Variants in LAMA3 observed in about 807,000 individuals in gnomAD.
LAMA3 encodes laminin subunit alpha-3.
Under a neutral mutation model 402.0 loss-of-function variants are expected in LAMA3, and 281 were observed. The observed-to-expected ratio is 0.70, with a 90% confidence interval of 0.63 to 0.77. The LOEUF (loss-of-function observed/expected upper bound fraction) is 0.77. Ranked by LOEUF, LAMA3 falls within the 30% of genes least tolerant of loss-of-function variation. The probability of loss-of-function intolerance (pLI) is 0.00; values close to 1 mark genes in which losing one functional copy is unlikely to be tolerated. For synonymous variants in LAMA3, 1,431 were observed against 1,558.4 expected (o/e 0.92, Z 1.93); for missense variants, 3,840 against 4,215.5 (o/e 0.91, Z 2.47).
chr18:23,784,680 G>C (rs1025169805), intron 12 of LAMA3, among the ~76,000 whole-genome samples: 20 of 152,290 alleles, frequency 1.3e-4, no homozygotes, highest in South Asian at 2.1e-4. Context: ...GTCGCTGAAG[G>C]GGGGATGGAA....
At chr18:23,745,173 A>ATGTGTG (rs55780622) in intron 2 of LAMA3, among the ~76,000 whole-genome samples, 63 of 149,030 alleles carry the variant, frequency 4.2e-4, no homozygotes, top group Middle Eastern at 6.8e-3. Context: ...AGAATCAAAA[A>ATGTGTG]TGTGTGTGTG....
At chr18:23,931,444 G>A in intron 65 of LAMA3, 1 of 481,686 alleles carries the variant, frequency 2.1e-6, no homozygotes, top group South Asian at 2.5e-5. Flanking sequence ...GTTGCTTGAG[G>A]CCAAGAGTTC....
At chr18:23,713,073 A>T (rs1376992811) in intron 1 of LAMA3, among the ~76,000 whole-genome samples, 1 of 152,214 alleles carries the variant, frequency 6.6e-6, no homozygotes, top group South Asian at 2.1e-4. Flanking sequence ...CTGCCTAGTA[A>T]GAAAGAGTAA....
At chr18:23,788,463 A>C (rs914167051) in intron 12 of LAMA3, among the ~76,000 whole-genome samples, 54 of 152,136 alleles carry the variant, frequency 3.5e-4, no homozygotes, top group Non-Finnish European at 5.9e-5. Context: ...AAAATATCTA[A>C]TACAGAAGAA....
Position 23,824,420 on chromosome 18 carries a change from TA to T in LAMA3, c.2429-2del. ...CTTAAGCAGTTCTTTGTATTTCTGATAGGTGCTGCTCAAAGCAAAGAGATCA... is the reference window on the plus strand; with the variant it reads ...CTTAAGCAGTTCTTTGTATTTCTGATGGTGCTGCTCAAAGCAAAGAGATCA... On this transcript the variant is annotated splice_acceptor_variant, in intron 20 of 74. Coordinates refer to ENST00000313654, the MANE Select transcript of LAMA3 (RefSeq NM_198129.4). LOFTEE classifies it high-confidence loss of function. 1 of 1,614,076 alleles carries T rather than the reference TA, an allele frequency of 6.2e-7. No individual in the cohort carries two copies. The highest frequency in any genetic ancestry group is 8.5e-7 in the Non-Finnish European group (1 of 1,179,928).
At chr18:23,778,714 G>A (rs940683751) in intron 11 of LAMA3, among the ~76,000 whole-genome samples, 17 of 152,172 alleles carry the variant, frequency 1.1e-4, no homozygotes, top group Non-Finnish European at 2.2e-4. Flanking sequence ...ACCCCAGGGC[G>A]CCAGCAGAGG....
At chr18:23,759,110 G>A (rs943892115) in intron 7 of LAMA3, among the ~76,000 whole-genome samples, 1 of 151,800 alleles carries the variant, frequency 6.6e-6, no homozygotes. Context: ...AGGCAAAGGT[G>A]GGAGGATTGC....
At chr18:23,778,217 G>A (rs150222703) in intron 11 of LAMA3, among the ~76,000 whole-genome samples, 2 of 152,152 alleles carry the variant, frequency 1.3e-5, no homozygotes, top group African/African-American at 2.4e-5. Flanking sequence ...GAGGATGTGG[G>A]TGTTACATTT....
intron 52 of LAMA3, among the ~76,000 whole-genome samples, chr18:23,906,363 C>T (rs2081249154): frequency 6.6e-6 from 1 of 152,176 alleles, no homozygotes; most frequent in Admixed American, 6.5e-5. Flanking sequence ...TCCCCAAAAT[C>T]ACTGCTACTG....
chr18:23,891,452 C>T (rs927392597), intron 42 of LAMA3, among the ~76,000 whole-genome samples: 10 of 152,258 alleles, frequency 6.6e-5, no homozygotes, highest in Middle Eastern at 3.4e-3. Flanking sequence ...AAGTTTTTTC[C>T]GGCATCTGCT....
At chr18:23,842,054 G>A (rs908498435) in intron 27 of LAMA3, among the ~76,000 whole-genome samples, 11 of 152,166 alleles carry the variant, frequency 7.2e-5, no homozygotes, top group Non-Finnish European at 1.6e-4. Context: ...CCAATTCTGG[G>A]TTATGTGTTC....
intron 32 of LAMA3, among the ~76,000 whole-genome samples, chr18:23,854,232 A>G: frequency 6.6e-6 from 1 of 152,180 alleles, no homozygotes; most frequent in Non-Finnish European, 1.5e-5. Context: ...TACATTCTAA[A>G]ATAAACACAC....
At chr18:23,796,110 C>T (rs1310413733) in intron 12 of LAMA3, 1 of 439,424 alleles carries the variant, frequency 2.3e-6, no homozygotes, top group Non-Finnish European at 4.6e-6. Context: ...TTGGACTTCC[C>T]AGCCTCCAGA....
chr18:23,689,901 A>AG lies in LAMA3; in HGVS notation c.222dup (p.Arg75GlufsTer29). Reference sequence around the variant, plus strand: ...ACCTGCGGGGAGAGGGGACCCGGCGAGGGGAGGCCCCAGCCCGAGCTCTAC... The same window carrying AG: ...ACCTGCGGGGAGAGGGGACCCGGCGAGGGGGAGGCCCCAGCCCGAGCTCTAC... On this transcript the variant is annotated frameshift_variant, in exon 1 of 75. Coordinates refer to ENST00000313654, the MANE Select transcript of LAMA3 (RefSeq NM_198129.4). LOFTEE classifies it high-confidence loss of function. The AG allele has an allele frequency of 6.5e-7, 1 of 1,536,530 alleles. No homozygotes were observed. Among genetic ancestry groups the AG allele is most frequent in the Non-Finnish European group, 8.8e-7 (1 of 1,141,536 alleles).
Position 23,954,583 on chromosome 18 carries a change from G to C in LAMA3, c.9937G>C (p.Val3313Leu), listed in dbSNP as rs377024118. 6.2e-7 allele frequency: 1 copy of C among 1,613,816 alleles called. No individual in the cohort carries two copies. Among genetic ancestry groups the C allele is most frequent in the East Asian group, 2.2e-5 (1 of 44,866 alleles). ...GAATATTCATGTCAATCACATCCCT[G>C]TCCCTGTCACTGAAGCCTTGGAAGT... The part of the protein sequence containing the change: ...LRNIHVNHIP[V>L]PVTEALEVQG... Residue 3313 changes from valine (V) to leucine (L), a missense_variant, in exon 75 of 75, where the codon GTC becomes CTC. Physicochemically the swap from Val to Leu is conservative, Grantham distance 32. Coordinates refer to ENST00000313654, the MANE Select transcript of LAMA3 (RefSeq NM_198129.4).
chr18:23,821,538 G>T (rs2063285725), intron 19 of LAMA3, among the ~76,000 whole-genome samples: 1 of 152,216 alleles, frequency 6.6e-6, no homozygotes, highest in South Asian at 2.1e-4. Flanking sequence ...ATCTGGACAT[G>T]CAGTCAGTGG....
intron 14 of LAMA3, among the ~76,000 whole-genome samples, chr18:23,814,131 A>T (rs2063131214): frequency 6.6e-6 from 1 of 152,228 alleles, no homozygotes. Context: ...CAATGTTATA[A>T]ATAAGAGTGA....
At chr18:23,710,135 C>T (rs560474635) in intron 1 of LAMA3, 5 of 701,256 alleles carry the variant, frequency 7.1e-6, no homozygotes, top group East Asian at 5.8e-5. Context: ...CTGGAGTCGC[C>T]GTGTCGTGGG....
intron 23 of LAMA3, among the ~76,000 whole-genome samples, chr18:23,829,547 A>G (rs2063453971): frequency 1.3e-5 from 2 of 152,200 alleles, no homozygotes; most frequent in South Asian, 2.1e-4. Context: ...CATTGACCCC[A>G]TGAATGGCAT....
Sources: allele counts gnomAD v4.1 joint callset (sites outside exome capture counted in the v4.1 genomes callset), GRCh38; gene constraint gnomAD v4.1.1; transcripts MANE v1.5; gene names NCBI Gene and HGNC (gene_info 2026-07-23, HGNC 2026-07-21).